Variants in DOCK1 observed in about 807,000 individuals in gnomAD.
The protein encoded by DOCK1 is dedicator of cytokinesis 1.
A neutral mutation model predicts 262.7 loss-of-function variants in DOCK1; 138 were observed. That is an observed-to-expected ratio of 0.53 (90% CI 0.46 to 0.61). DOCK1 has a LOEUF of 0.61. DOCK1 is among the 20% of genes least tolerant of loss of function. The pLI is 0.00. For missense variants in DOCK1, 1,908 were observed against 2,370.7 expected (o/e 0.80, Z 4.05); for synonymous variants, 866 against 867.4 (o/e 1.00, Z 0.03).
chr10:126,996,558 T>A (rs2040210322), intron 6 of DOCK1, among the ~76,000 whole-genome samples, 190 bp from the exon 7 acceptor site: 3 of 122,014 alleles, frequency 2.5e-5, no homozygotes. Context: ...TTTTTTTTTT[T>A]ACTTCTCCCA....
intron 27 of DOCK1, among the ~76,000 whole-genome samples, chr10:127,201,497 G>A (rs2057457764): frequency 6.6e-6 from 1 of 152,186 alleles, no homozygotes. Flanking sequence ...GCATCGTGAG[G>A]ACTCGTTGAG....
intron 27 of DOCK1, chr10:127,137,106 T>G (rs1443025911): frequency 6.6e-6 from 1 of 152,562 alleles, no homozygotes; most frequent in Non-Finnish European, 1.5e-5. Context: ...CTACTTGCAG[T>G]GATTAAAGGC....
At chr10:126,964,115 A>G (rs1389755453) in intron 1 of DOCK1, among the ~76,000 whole-genome samples, 1 of 152,174 alleles carries the variant, frequency 6.6e-6, no homozygotes, top group Non-Finnish European at 1.5e-5. Context: ...GCAACAATAC[A>G]GTTGACTTGT....
intron 1 of DOCK1, among the ~76,000 whole-genome samples, chr10:126,926,300 T>C (rs925956809): frequency 6.6e-6 from 1 of 151,990 alleles, no homozygotes; most frequent in Non-Finnish European, 1.5e-5. Context: ...ATCATCAGAT[T>C]TCCACATAAA....
At chr10:127,166,178 G>A (rs2054063378) in intron 27 of DOCK1, among the ~76,000 whole-genome samples, 2 of 152,254 alleles carry the variant, frequency 1.3e-5, no homozygotes, top group East Asian at 1.9e-4. Context: ...CCATTCTCCT[G>A]CCTCAGCCCC....
chr10:127,386,705 G>GTAA (rs1367954347), intron 38 of DOCK1, among the ~76,000 whole-genome samples: 1 of 151,958 alleles, frequency 6.6e-6, no homozygotes, highest in African/African-American at 2.4e-5. Context: ...GTATTACAAT[G>GTAA]TAATAATAAT....
chr10:127,011,128 T>A (rs16906432), intron 11 of DOCK1, among the ~76,000 whole-genome samples: 14,555 of 152,218 alleles, frequency 0.096, 806 homozygotes, highest in East Asian at 0.21. Context: ...TGTGTAACTC[T>A]TATGTAATTT....
rs1208731111 is a variant in DOCK1 at position 127,176,030 on chromosome 10, G to A, written c.2847+48266G>A. ...GGAGGCTTTTGAGGTTCCCCTTTTTGCGGTCCAGAGGGAACGTCTGGTAAC... is the reference window on the plus strand; with the variant it reads ...GGAGGCTTTTGAGGTTCCCCTTTTTACGGTCCAGAGGGAACGTCTGGTAAC... On this transcript the variant is annotated intron_variant, in intron 27 of 51. Coordinates refer to ENST00000623213, the MANE Select transcript of DOCK1 (RefSeq NM_001290223.2). The surrounding 1 kb of genome is among the most constrained non-coding windows in gnomAD (Gnocchi z 4.4). 2.5e-6 allele frequency: 4 copies of A among 1,614,020 alleles called. No homozygotes were observed. In the Admixed American group the frequency reaches 6.7e-5, roughly 27 times the overall value.
chr10:127,003,398 C>G (rs1222833232), intron 10 of DOCK1, among the ~76,000 whole-genome samples: 1 of 152,210 alleles, frequency 6.6e-6, no homozygotes, highest in Non-Finnish European at 1.5e-5. Flanking sequence ...TTCAGAGATA[C>G]CCATAGGCAT....
chr10:126,920,142 T>C (rs2033031544), intron 1 of DOCK1, among the ~76,000 whole-genome samples: 2 of 152,212 alleles, frequency 1.3e-5, no homozygotes, highest in Admixed American at 1.3e-4. Context: ...TGGATAAATA[T>C]GTGGCGATGT....
In DOCK1 at chr10:127,272,497, C is replaced by A. The variant is rs74700271; in HGVS notation, c.3044+15068C>A. ...ACCATACCCCGAAAGGGAAGGAGTT[C>A]TTTTGCTGGCTGACTGAATGGGTAG... On this transcript the variant is annotated intron_variant, in intron 29 of 51. Transcript: ENST00000623213. Among the ~76,000 whole-genome samples the A allele has an allele frequency of 0.016, 2,444 of 152,304 alleles. 149 individuals carry two copies. In the East Asian group the frequency reaches 0.23, roughly 14 times the overall value.
chr10:127,339,695 T>TTGTGTGTGTGTGTGTGTG (rs112206811), intron 30 of DOCK1, among the ~76,000 whole-genome samples: 2 of 109,738 alleles, frequency 1.8e-5, no homozygotes, highest in Admixed American at 1.0e-4. Context: ...CTGGCCTGAT[T>TTGTGTGTGTGTGTGTGTG]TGTGTGTGTG....
At position 127,000,327 on chromosome 10, in the gene DOCK1, T is replaced by A; in HGVS notation, c.985+20T>A. ...TGGCTGGTAATCTATTTCTCTGTGT[T>A]TCCTTGAGAGTTTCAGATCTTCACA... On this transcript the variant is annotated intron_variant, in intron 10 of 51. Transcript: ENST00000623213. The A allele has an allele frequency of 1.2e-6, 2 of 1,611,674 alleles. No homozygotes were observed. Among genetic ancestry groups the A allele is most frequent in the Non-Finnish European group, 1.7e-6 (2 of 1,178,562 alleles).
chr10:127,331,528 C>T (rs1054272839), intron 29 of DOCK1, among the ~76,000 whole-genome samples: 4 of 152,114 alleles, frequency 2.6e-5, no homozygotes, highest in African/African-American at 9.7e-5. Flanking sequence ...GTGATCCACC[C>T]ACCTTGGCCT....
chr10:127,292,921 G>C (rs936818602), intron 29 of DOCK1, among the ~76,000 whole-genome samples: 3 of 152,054 alleles, frequency 2.0e-5, no homozygotes, highest in Non-Finnish European at 4.4e-5. Flanking sequence ...AGTTGTTAGG[G>C]ATATTAAAAA....
At chr10:126,921,198 T>TAA (rs1564983824) in intron 1 of DOCK1, among the ~76,000 whole-genome samples, 2,289 of 76,618 alleles carry the variant, frequency 0.03, 64 homozygotes, top group African/African-American at 0.096. Context: ...AGACTCTATC[T>TAA]CAAAAAAAAA....
chr10:127,009,244 T>C (rs12255259), intron 11 of DOCK1, among the ~76,000 whole-genome samples: 7,220 of 152,274 alleles, frequency 0.047, 573 homozygotes, highest in African/African-American at 0.16. Context: ...AAGCATATAA[T>C]CACACTGCTG....
intron 10 of DOCK1, among the ~76,000 whole-genome samples, chr10:127,004,623 C>A (rs1367323554): frequency 6.6e-6 from 1 of 151,926 alleles, no homozygotes; most frequent in Non-Finnish European, 1.5e-5. Context: ...GTGGCTTGCA[C>A]CTGTGGTCCC....
At chr10:127,250,666 C>T (rs376384647) in intron 28 of DOCK1, among the ~76,000 whole-genome samples, 1 of 151,522 alleles carries the variant, frequency 6.6e-6, no homozygotes, top group African/African-American at 2.4e-5. Context: ...TTGGGGGGCA[C>T]CTGTAATCCC....
Sources: allele counts gnomAD v4.1 joint callset (sites outside exome capture counted in the v4.1 genomes callset), GRCh38; gene constraint gnomAD v4.1.1; non-coding constraint Gnocchi (gnomAD v3.1); transcripts MANE v1.5; gene names NCBI Gene and HGNC (gene_info 2026-07-23, HGNC 2026-07-21).